GSE1: variants seen among roughly 807,000 people sequenced by gnomAD.
GSE1 encodes Gse1 coiled-coil protein.
In GSE1, 32 loss-of-function variants were observed where a neutral mutation model predicts 112.6. The ratio of observed to expected loss-of-function variants is 0.28; its 90% CI spans 0.21 to 0.38. GSE1 has a LOEUF of 0.38. Among genes scored for constraint, GSE1 ranks in the 10% least tolerant of loss-of-function variants. The pLI, the probability that GSE1 is intolerant of heterozygous loss-of-function variation, is 1.00. For missense variants in GSE1, 2,348 were observed against 1,699.2 expected (o/e 1.38, Z -6.71); for synonymous variants, 1,115 against 735.6 (o/e 1.52, Z -8.35).
chr16:85,635,049 C>T (rs1269937123), intron 2 of GSE1, among the ~76,000 whole-genome samples: 2 of 152,178 alleles, frequency 1.3e-5, no homozygotes, highest in South Asian at 2.1e-4. Context: ...TCCGGGGTGG[C>T]CACAGCAACA....
intron 1 of GSE1, among the ~76,000 whole-genome samples, chr16:85,616,960 G>A (rs574984076): frequency 2.6e-5 from 4 of 152,248 alleles, no homozygotes; most frequent in African/African-American, 7.2e-5. Context: ...ACGCACACTC[G>A]GGGGCCTTTT....
chr16:85,278,467 T>C (rs1431343651), intron 1 of GSE1, among the ~76,000 whole-genome samples: 2 of 152,264 alleles, frequency 1.3e-5, no homozygotes, highest in African/African-American at 4.8e-5. Flanking sequence ...AAAAAATCAT[T>C]TGAGCCTGGT....
chr16:85,236,282 G>A (rs963578278), intron 1 of GSE1, among the ~76,000 whole-genome samples: 1 of 152,208 alleles, frequency 6.6e-6, no homozygotes, highest in African/African-American at 2.4e-5. Flanking sequence ...CCCGTGGTGC[G>A]AGCTGTGGCA....
intron 2 of GSE1, among the ~76,000 whole-genome samples, chr16:85,500,683 TC>T (rs1309252288): frequency 1.3e-5 from 2 of 151,620 alleles, no homozygotes; most frequent in Admixed American, 6.6e-5. Flanking sequence ...TTTCACCCCC[TC>T]CCCCCATCAG....
chr16:85,533,187 G>A (rs11647306), intron 2 of GSE1, among the ~76,000 whole-genome samples: 1,617 of 150,734 alleles, frequency 0.011, 17 homozygotes, highest in Non-Finnish European at 0.019. Context: ...CCAAGGCAGG[G>A]GGATCACCTG....
At chr16:85,622,330 G>A (rs560663981) in intron 1 of GSE1, among the ~76,000 whole-genome samples, 90 of 152,194 alleles carry the variant, frequency 5.9e-4, no homozygotes, top group Non-Finnish European at 1.1e-3. Context: ...GATGGGAGAC[G>A]AGTCTGGACG....
At chr16:85,655,343 G>A (rs1452135360) in intron 5 of GSE1, among the ~76,000 whole-genome samples, 2 of 152,108 alleles carry the variant, frequency 1.3e-5, no homozygotes, top group African/African-American at 2.4e-5. Flanking sequence ...CTGTGGTCTG[G>A]CCTGGGTCCG....
chr16:85,458,038 C>T (rs1263589483), intron 2 of GSE1, among the ~76,000 whole-genome samples: 2 of 152,174 alleles, frequency 1.3e-5, no homozygotes, highest in East Asian at 1.9e-4. Context: ...TCCTGGTGCA[C>T]CCTGGTTGCT....
chr16:85,329,596 C>T (rs1039955661), intron 1 of GSE1, among the ~76,000 whole-genome samples: 4 of 151,922 alleles, frequency 2.6e-5, no homozygotes, highest in African/African-American at 7.2e-5. Context: ...TGGGGGGCTG[C>T]GGGGTGCGGG....
At chr16:85,211,633 G>C (rs374320279) in intron 1 of GSE1, among the ~76,000 whole-genome samples, 2 of 152,324 alleles carry the variant, frequency 1.3e-5, no homozygotes, top group South Asian at 2.1e-4. Context: ...GAACCACTTG[G>C]AGCTGTGTGG....
At chr16:85,478,468 A>G (rs1227878524) in intron 2 of GSE1, among the ~76,000 whole-genome samples, 3 of 148,382 alleles carry the variant, frequency 2.0e-5, no homozygotes, top group Non-Finnish European at 3.0e-5. Flanking sequence ...CAGAGGTTGC[A>G]GTGAGCTGAG....
chr16:85,175,416 C>T (rs562688845), intron 1 of GSE1, among the ~76,000 whole-genome samples: 111 of 152,348 alleles, frequency 7.3e-4, no homozygotes, highest in Non-Finnish European at 1.2e-3. Flanking sequence ...TGCCTTAAGA[C>T]AAGCCTGGCT....
intron 1 of GSE1, among the ~76,000 whole-genome samples, chr16:85,343,585 C>CA (rs2046669687): frequency 6.6e-6 from 1 of 151,978 alleles, no homozygotes; most frequent in Non-Finnish European, 1.5e-5. Context: ...CCCATCTCTA[C>CA]AAAAAATAAA....
At chr16:85,485,195 G>A (rs2050794243) in intron 2 of GSE1, among the ~76,000 whole-genome samples, 1 of 152,256 alleles carries the variant, frequency 6.6e-6, no homozygotes, top group Non-Finnish European at 1.5e-5. Context: ...GCGACAGCCT[G>A]TGCCCGGAGA....
chr16:85,266,915 C>A (rs1236360645), intron 1 of GSE1, among the ~76,000 whole-genome samples: 3 of 152,258 alleles, frequency 2.0e-5, no homozygotes, highest in African/African-American at 7.2e-5. Context: ...CCCCTTGGTC[C>A]CCCATTTCTG....
chr16:85,511,726 T>C (rs562630616), intron 2 of GSE1, among the ~76,000 whole-genome samples: 2 of 152,076 alleles, frequency 1.3e-5, no homozygotes, highest in East Asian at 1.9e-4. Flanking sequence ...AGAGGGAGAT[T>C]TGAGACACGC....
intron 1 of GSE1, among the ~76,000 whole-genome samples, chr16:85,572,749 C>T (rs1043764007): frequency 6.6e-6 from 1 of 152,162 alleles, no homozygotes; most frequent in Non-Finnish European, 1.5e-5. Context: ...GGACCTCATC[C>T]GGGAAAGGGG....
rs187049760 is a variant in GSE1 at position 85,274,692 on chromosome 16, C to T, written c.2284-82771C>T. 2.6e-5 allele frequency among the ~76,000 whole-genome samples: 4 copies of T among 152,342 alleles called. No individual in the cohort carries two copies. The East Asian group carries it at 7.7e-4, about 29-fold the overall frequency. ...CTAACAGGGCTTAGGTGCCTGTCCC[C>T]CTCTCGCCAGTGGGAGGAACCAAAC... On this transcript the variant is annotated intron_variant, in intron 1 of 2. Transcript: ENST00000637419.
intron 15 of GSE1, 24 bp downstream of exon 15, chr16:85,671,122 C>G: frequency 2.3e-6 from 3 of 1,329,636 alleles, no homozygotes; most frequent in Non-Finnish European, 3.2e-6. Context: ...GGATGGAAAC[C>G]TTCAAACACG....
Sources: allele counts gnomAD v4.1 joint callset (sites outside exome capture counted in the v4.1 genomes callset), GRCh38; gene constraint gnomAD v4.1.1; transcripts MANE v1.5; gene names NCBI Gene and HGNC (gene_info 2026-07-23, HGNC 2026-07-21).